The following NRXN1 variants were observed in gnomAD, a reference collection of about 807,000 sequenced individuals.
NRXN1 encodes neurexin-1.
Under a neutral mutation model 150.9 loss-of-function variants are expected in NRXN1, and 39 were observed. The ratio of observed to expected loss-of-function variants is 0.26; its 90% CI spans 0.20 to 0.34. The LOEUF (loss-of-function observed/expected upper bound fraction) is 0.34, where lower values mean the gene tolerates loss of function less well. NRXN1 is among the 10% of genes least tolerant of loss of function. The probability of loss-of-function intolerance (pLI) is 1.00; values close to 1 mark genes in which losing one functional copy is unlikely to be tolerated. For synonymous variants in NRXN1, 924 were observed against 757.0 expected (o/e 1.22, Z -3.62); for missense variants, 1,815 against 1,949.9 (o/e 0.93, Z 1.30).
At chr2:50,764,253 T>A (rs1702143060) in intron 5 of NRXN1, among the ~76,000 whole-genome samples, 1 of 151,968 alleles carries the variant, frequency 6.6e-6, no homozygotes, top group African/African-American at 2.4e-5. Flanking sequence ...CCCCTGCCCT[T>A]ATATGATTAT....
intron 18 of NRXN1, among the ~76,000 whole-genome samples, chr2:50,147,130 T>C (rs560449281): frequency 6.6e-6 from 1 of 151,832 alleles, no homozygotes; most frequent in African/African-American, 2.4e-5. Flanking sequence ...CTCTCACATC[T>C]GGGATCATCA....
At chr2:50,313,818 T>G (rs1287547799) in intron 17 of NRXN1, among the ~76,000 whole-genome samples, 1 of 152,024 alleles carries the variant, frequency 6.6e-6, no homozygotes, top group Non-Finnish European at 1.5e-5. Context: ...TGGAGACAAA[T>G]GTCTCGTGTT....
At chr2:50,674,667 G>C (rs1689313338) in intron 5 of NRXN1, among the ~76,000 whole-genome samples, 2 of 152,040 alleles carry the variant, frequency 1.3e-5, no homozygotes, top group African/African-American at 4.8e-5. Flanking sequence ...GCAGAACTTT[G>C]TGATCACTTA....
intron 18 of NRXN1, among the ~76,000 whole-genome samples, chr2:50,219,690 C>CAA (rs1172566865): frequency 2.0e-5 from 3 of 150,242 alleles, no homozygotes; most frequent in African/African-American, 7.4e-5. Flanking sequence ...AGTTAGAGAC[C>CAA]AACCTGGGCA....
At chr2:50,757,689 T>C (rs938821556) in intron 5 of NRXN1, among the ~76,000 whole-genome samples, 4 of 151,838 alleles carry the variant, frequency 2.6e-5, no homozygotes, top group Middle Eastern at 3.4e-3. Context: ...ATCTTATCAC[T>C]AGAATGGTGT....
At chr2:50,296,518 C>CTATTAGTATTATTAT (rs60974449) in intron 17 of NRXN1, among the ~76,000 whole-genome samples, 9 of 148,042 alleles carry the variant, frequency 6.1e-5, no homozygotes, top group South Asian at 2.1e-4. Context: ...TGCTTAGCTT[C>CTATTAGTATTATTAT]TATTATTATT....
intron 17 of NRXN1, among the ~76,000 whole-genome samples, chr2:50,433,563 ATTT>A (rs11383115): frequency 0.012 from 1,716 of 144,602 alleles, 34 homozygotes; most frequent in African/African-American, 0.042. Flanking sequence ...GGAGGTAATA[ATTT>A]TTTTTTTTTT....
intron 21 of NRXN1, among the ~76,000 whole-genome samples, chr2:50,033,986 CAAA>C: frequency 7.4e-6 from 1 of 135,192 alleles, no homozygotes; most frequent in Non-Finnish European, 1.6e-5. Flanking sequence ...AAAAAAAAAA[CAAA>C]CAGCAGGTGC....
intron 17 of NRXN1, among the ~76,000 whole-genome samples, chr2:50,399,976 T>C (rs548198419): frequency 8.4e-4 from 128 of 151,868 alleles, no homozygotes; most frequent in African/African-American, 3.0e-3. Flanking sequence ...CAGGAAAGAA[T>C]TGTGGTTAGG....
intron 9 of NRXN1, among the ~76,000 whole-genome samples, chr2:50,546,108 C>T (rs2093488284): frequency 6.6e-6 from 1 of 152,064 alleles, no homozygotes; most frequent in South Asian, 2.1e-4. Flanking sequence ...TCTATTTTCT[C>T]CCTCCACTCT....
At chr2:50,406,963 C>A (rs1388653185) in intron 17 of NRXN1, among the ~76,000 whole-genome samples, 1 of 152,130 alleles carries the variant, frequency 6.6e-6, no homozygotes, top group East Asian at 1.9e-4. Context: ...CTCACAGCTT[C>A]AAGAACTTGA....
intron 5 of NRXN1, among the ~76,000 whole-genome samples, chr2:50,826,650 G>T (rs984865165): frequency 6.6e-6 from 1 of 152,140 alleles, no homozygotes; most frequent in African/African-American, 2.4e-5. Context: ...TGACTCCTAG[G>T]TGTATTTCGC....
intron 17 of NRXN1, among the ~76,000 whole-genome samples, chr2:50,250,926 T>G (rs576169589): frequency 6.6e-6 from 1 of 151,608 alleles, no homozygotes; most frequent in African/African-American, 2.4e-5. Flanking sequence ...ACATTGCATA[T>G]GTAATAAATT....
chr2:50,641,684 T>A (rs567599610), intron 5 of NRXN1, among the ~76,000 whole-genome samples: 1 of 152,244 alleles, frequency 6.6e-6, no homozygotes, highest in South Asian at 2.1e-4. Flanking sequence ...TTTGAGGTAT[T>A]CTTGGCGACT....
intron 17 of NRXN1, among the ~76,000 whole-genome samples, chr2:50,281,615 T>C (rs1451888616): frequency 1.3e-5 from 2 of 152,130 alleles, no homozygotes; most frequent in African/African-American, 2.4e-5. Context: ...TCCTGGTCCC[T>C]GCACTAAGGA....
At chr2:50,472,795 T>TTATGTGTGTG (rs1553657497) in intron 15 of NRXN1, among the ~76,000 whole-genome samples, 1 of 138,564 alleles carries the variant, frequency 7.2e-6, no homozygotes, top group Admixed American at 7.1e-5. Flanking sequence ...CCCTACAGCC[T>TTATGTGTGTG]TGTGTGTGTG....
At chr2:50,134,612 C>T (rs1706096883) in intron 18 of NRXN1, among the ~76,000 whole-genome samples, 2 of 152,144 alleles carry the variant, frequency 1.3e-5, no homozygotes, top group Admixed American at 6.5e-5. Flanking sequence ...GGCAGATTCC[C>T]AGCCCCATCC....
At chr2:49,997,441 G>T (rs1305646928) in intron 21 of NRXN1, among the ~76,000 whole-genome samples, 1 of 152,012 alleles carries the variant, frequency 6.6e-6, no homozygotes, top group East Asian at 1.9e-4. Context: ...AAGGCATAAG[G>T]CAATCTACTG....
intron 18 of NRXN1, among the ~76,000 whole-genome samples, chr2:50,097,830 G>C (rs897878133): frequency 6.6e-6 from 1 of 152,026 alleles, no homozygotes; most frequent in Admixed American, 6.6e-5. Context: ...GTAGAGGCAG[G>C]GTTTTTCCAT....
Sources: gnomAD v4.1 joint callset for allele counts (sites outside exome capture counted in the v4.1 genomes callset) on GRCh38, gnomAD v4.1.1 for gene constraint, MANE v1.5 for transcripts, NCBI Gene and HGNC (gene_info 2026-07-23, HGNC 2026-07-21) for gene names.